The following FGD6 variants were observed in gnomAD, a reference collection of about 807,000 sequenced individuals.
FGD6 encodes the protein FYVE, RhoGEF and PH domain containing 6.
A neutral mutation model predicts 149.4 loss-of-function variants in FGD6; 90 were observed. That is an observed-to-expected ratio of 0.60 (90% CI 0.51 to 0.72). The LOEUF is 0.72. Among genes scored for constraint, FGD6 ranks in the 30% least tolerant of loss-of-function variants. FGD6 has a pLI of 0.00. For missense variants in FGD6, 1,437 were observed against 1,684.8 expected, an observed-to-expected ratio of 0.85 and a Z score of 2.57; for synonymous variants, 527 against 584.0, an observed-to-expected ratio of 0.90 and a Z score of 1.41.
chr12:95,206,108 G>A (rs1445332781), intron 2 of FGD6, among the ~76,000 whole-genome samples: 1 of 152,056 alleles, frequency 6.6e-6, no homozygotes, highest in Non-Finnish European at 1.5e-5. Context: ...CTCCAGGATT[G>A]GCAGAGATAA....
intron 5 of FGD6, among the ~76,000 whole-genome samples, chr12:95,149,349 A>AGCATATATTATATAATATATG (rs1344558923): frequency 2.7e-5 from 3 of 111,088 alleles, no homozygotes; most frequent in Non-Finnish European, 5.0e-5. Context: ...TATAATATAT[A>AGCATATATTATATAATATATG]GCATATATTA....
chr12:95,189,915 T>G (rs1293651661), intron 2 of FGD6, among the ~76,000 whole-genome samples: 24 of 152,200 alleles, frequency 1.6e-4, no homozygotes, highest in Admixed American at 1.6e-3. Context: ...ACCTTTCAGA[T>G]CTTTAATATT....
chr12:95,121,861 G>A (rs1489121320), intron 8 of FGD6, among the ~76,000 whole-genome samples: 5 of 151,804 alleles, frequency 3.3e-5, no homozygotes, highest in African/African-American at 4.8e-5. Flanking sequence ...GTACCATGTC[G>A]GCCAGGCTGG....
At chr12:95,156,179 G>A (rs1264802370) in intron 3 of FGD6, among the ~76,000 whole-genome samples, 1 of 152,206 alleles carries the variant, frequency 6.6e-6, no homozygotes, top group Admixed American at 6.5e-5. Flanking sequence ...TAACAGCAAT[G>A]TTCAGGGAAC....
intron 3 of FGD6, among the ~76,000 whole-genome samples, chr12:95,172,320 G>C (rs1881017648): frequency 6.6e-6 from 1 of 152,186 alleles, no homozygotes; most frequent in South Asian, 2.1e-4. Context: ...AGGTTGCAGT[G>C]AGCTGAGATG....
At chr12:95,083,003 AAAAAAAAAAATATAT>A (rs1241029870) in intron 20 of FGD6, among the ~76,000 whole-genome samples, 2 of 70,670 alleles carry the variant, frequency 2.8e-5, no homozygotes, top group African/African-American at 5.5e-5. Context: ...AAAAAAAAAA[AAAAAAAAAAATATAT>A]ATATATATAT....
intron 5 of FGD6, among the ~76,000 whole-genome samples, chr12:95,146,434 G>T (rs949691091): frequency 6.6e-6 from 1 of 152,158 alleles, no homozygotes; most frequent in African/African-American, 2.4e-5. Flanking sequence ...GACAAAATCG[G>T]TGAGGATGCA....
intron 13 of FGD6, 58 bp downstream of exon 13, chr12:95,106,892 TCAAA>T: frequency 9.4e-7 from 1 of 1,063,870 alleles, no homozygotes; most frequent in Non-Finnish European, 1.3e-6. Flanking sequence ...AGACCCCGTC[TCAAA>T]CAAAACAAAA....
chr12:95,169,039 CAGAAAG>C (rs1411872965), intron 3 of FGD6, among the ~76,000 whole-genome samples: 1 of 152,012 alleles, frequency 6.6e-6, no homozygotes, highest in Non-Finnish European at 1.5e-5. Flanking sequence ...GATGAAGAGA[CAGAAAG>C]AGAAAATTCA....
rs1565908291 is a variant in FGD6 at position 95,148,720 on chromosome 12, TTATATTA to T, written c.2685+4084_2685+4090del. Among the ~76,000 whole-genome samples the T allele has an allele frequency of 2.4e-4, 22 of 90,704 alleles. 2 individuals are homozygous for T. The highest frequency in any genetic ancestry group is 1.0e-3 in the African/African-American group (20 of 19,980). 59.5% of individuals were successfully genotyped at this position (90,704 alleles called of 152,430 possible). A position where few individuals can be genotyped will look rare whatever the true frequency, so the allele number is the denominator to read the frequency against. ...TATATTATATAATACATAGCATATG[TTATATTA>T]CATATATTATATATTATATAATACA... On this transcript the variant is annotated intron_variant, in intron 5 of 20. Coordinates refer to ENST00000343958, the MANE Select transcript of FGD6 (RefSeq NM_018351.4).
chr12:95,105,033 TAC>T lies in FGD6; in HGVS notation c.3469_3470del (p.Val1157ArgfsTer16). ...AYQNELKIES[V>X]ERSFILSASS... ...TGGCTGAGAGAATGAAGGAACGTTCTACACTTTCAATCTTTAATTCATTCTGA... is the reference window on the plus strand; with the variant it reads ...TGGCTGAGAGAATGAAGGAACGTTCTACTTTCAATCTTTAATTCATTCTGA... On this transcript the variant is annotated frameshift_variant, in exon 14 of 21. Transcript: ENST00000343958. LOFTEE classifies it high-confidence loss of function. The T allele has an allele frequency of 6.2e-7, 1 of 1,606,846 alleles. No homozygotes were observed. The highest frequency in any genetic ancestry group is 1.1e-5 in the South Asian group (1 of 89,092).
intron 3 of FGD6, among the ~76,000 whole-genome samples, chr12:95,171,023 C>G (rs1880973054): frequency 6.6e-6 from 1 of 152,182 alleles, no homozygotes; most frequent in South Asian, 2.1e-4. Flanking sequence ...TAAATGATCA[C>G]TGAGCTATTA....
At chr12:95,168,046 T>G (rs1441139685) in intron 3 of FGD6, among the ~76,000 whole-genome samples, 1 of 133,780 alleles carries the variant, frequency 7.5e-6, no homozygotes, top group African/African-American at 3.0e-5. Context: ...AAAAAACATT[T>G]TGACTTTTTG....
chr12:95,135,831 T>C (rs749200878), intron 7 of FGD6, among the ~76,000 whole-genome samples: 16 of 152,182 alleles, frequency 1.1e-4, no homozygotes, highest in Non-Finnish European at 1.5e-4. Flanking sequence ...AGATTACTAA[T>C]TCTCCTGGCC....
chr12:95,185,032 C>T (rs543298773), intron 2 of FGD6, among the ~76,000 whole-genome samples: 20 of 151,994 alleles, frequency 1.3e-4, no homozygotes, highest in African/African-American at 4.1e-4. Context: ...AGCCACCATG[C>T]CCAGCTAATT....
At chr12:95,120,908 ATATT>A (rs1349020856) in intron 8 of FGD6, among the ~76,000 whole-genome samples, 4 of 151,906 alleles carry the variant, frequency 2.6e-5, no homozygotes, top group Non-Finnish European at 5.9e-5. Flanking sequence ...ACACCACTAT[ATATT>A]TATTATGTGC....
intron 8 of FGD6, among the ~76,000 whole-genome samples, chr12:95,124,085 T>C (rs565313713): frequency 6.6e-6 from 1 of 151,926 alleles, no homozygotes; most frequent in Non-Finnish European, 1.5e-5. Flanking sequence ...GGCTAATTTT[T>C]TTTTTTTAAA....
intron 2 of FGD6, among the ~76,000 whole-genome samples, chr12:95,195,522 T>C (rs946389219): frequency 1.3e-5 from 2 of 151,706 alleles, no homozygotes; most frequent in African/African-American, 4.8e-5. Context: ...CCTATACTTA[T>C]ATGCCCTTTG....
intron 14 of FGD6, among the ~76,000 whole-genome samples, chr12:95,101,475 T>C (rs1338812704): frequency 5.9e-5 from 9 of 152,162 alleles, no homozygotes; most frequent in Middle Eastern, 3.2e-3. Context: ...CACTATAATT[T>C]CTTGAATGAT....
Sources: gnomAD v4.1 joint callset for allele counts (sites outside exome capture counted in the v4.1 genomes callset) on GRCh38, gnomAD v4.1.1 for gene constraint, MANE v1.5 for transcripts, NCBI Gene and HGNC (gene_info 2026-07-23, HGNC 2026-07-21) for gene names.